CREBBP: variants seen among roughly 807,000 people sequenced by gnomAD.
The protein encoded by CREBBP is CREB binding lysine acetyltransferase.
In CREBBP, 19 loss-of-function variants were observed where a neutral mutation model predicts 265.0. That is an observed-to-expected ratio of 0.07 (90% CI 0.05 to 0.11). CREBBP has a LOEUF of 0.11. CREBBP is among the 10% of genes least tolerant of loss of function. The pLI is 1.00. For missense variants in CREBBP, 2,525 were observed against 3,219.0 expected (o/e 0.78, Z 5.22); for synonymous variants, 1,457 against 1,223.7 (o/e 1.19, Z -3.98).
At chr16:3,832,677 T>G (rs181728303) in intron 2 of CREBBP, among the ~76,000 whole-genome samples, 2 of 152,310 alleles carry the variant, frequency 1.3e-5, no homozygotes, top group East Asian at 3.9e-4. Context: ...AGTAAAAATA[T>G]ATTATAGTCT....
chr16:3,848,998 G>A (rs1421898166), intron 2 of CREBBP, among the ~76,000 whole-genome samples: 1 of 152,022 alleles, frequency 6.6e-6, no homozygotes, highest in Non-Finnish European at 1.5e-5. Flanking sequence ...GTCACCCAAC[G>A]CTCTCATCAA....
chr16:3,878,348 G>A (rs1047426119), intron 1 of CREBBP, among the ~76,000 whole-genome samples: 1 of 152,120 alleles, frequency 6.6e-6, no homozygotes, highest in Admixed American at 6.6e-5. Context: ...TAAGATTAAC[G>A]TCAAACTCAA....
In CREBBP at chr16:3,773,754, T is replaced by C. The variant is rs1249305241; in HGVS notation, c.2460A>G (p.Ser820=). 6.2e-7 allele frequency: 1 copy of C among 1,613,994 alleles called. No individual in the cohort carries two copies. The highest frequency in any genetic ancestry group is 8.5e-7 in the Non-Finnish European group (1 of 1,180,014). Reference sequence around the variant, plus strand: ...CGGTCCCAGTGGGGCACAGTACCTGTGACACGCCTGTTTGGGCTGGCGGCT... The same window carrying C: ...CGGTCCCAGTGGGGCACAGTACCTGCGACACGCCTGTTTGGGCTGGCGGCT... ...MGQPPAQTGV[S]QGQVPGAALP... is the part of the protein sequence containing the mutation. The change falls in exon 13 of 31, where the codon TCA becomes TCG. Residue 820 remains serine (S), a synonymous_variant. Transcript: ENST00000262367.
intron 8 of CREBBP, 60 bp from the exon 9 acceptor site, chr16:3,778,877 G>A (rs1381558697): frequency 3.3e-6 from 5 of 1,500,034 alleles, no homozygotes; most frequent in African/African-American, 1.4e-5. Context: ...TTAAAGACAT[G>A]GGGTTTCGTC....
At chr16:3,768,638 T>C (rs1163005867) in intron 15 of CREBBP, among the ~76,000 whole-genome samples, 1 of 152,202 alleles carries the variant, frequency 6.6e-6, no homozygotes, top group African/African-American at 2.4e-5. Flanking sequence ...GAGAGCCCAC[T>C]ACAGTTGGTG....
chr16:3,839,605 C>T (rs2054524387), intron 2 of CREBBP, among the ~76,000 whole-genome samples: 1 of 151,178 alleles, frequency 6.6e-6, no homozygotes, highest in South Asian at 2.1e-4. Flanking sequence ...TTGCTGGAAC[C>T]CAAGAGGCAG....
At chr16:3,746,741 T>C (rs2052351890) in intron 21 of CREBBP, among the ~76,000 whole-genome samples, 1 of 152,080 alleles carries the variant, frequency 6.6e-6, no homozygotes, top group African/African-American at 2.4e-5. Context: ...TACTGGGAGT[T>C]TGAGACCAGC....
In CREBBP at chr16:3,731,606, G is replaced by A. The variant is rs897725808; in HGVS notation, c.4891-133C>T. The A allele has an allele frequency of 5.6e-6, 8 of 1,417,880 alleles. No individual in the cohort carries two copies. The highest frequency in any genetic ancestry group is 1.4e-5 in the African/African-American group (1 of 71,018). 87.8% of individuals were successfully genotyped at this position (1,417,880 alleles called of 1,614,324 possible). ...CCTGATGGCCCTGATGCCTTGGGAT[G>A]GAACAAAATTGGTGACACGTTGCAT... On this transcript the variant is annotated intron_variant, in intron 29 of 30. Transcript: ENST00000262367. This position sits in a 1 kb window ranked among gnomAD's most constrained non-coding sequence, Gnocchi z 7.7.
At position 3,781,249 on chromosome 16, in the gene CREBBP, T is replaced by G. The variant is rs2141247649; in HGVS notation, c.1631A>C (p.Asn544Thr). The change falls in exon 7 of 31, where the codon AAC becomes ACC. Residue 544 changes from asparagine (N) to threonine (T), a missense_variant. Asn to Thr is a moderately conservative substitution (Grantham distance 65, BLOSUM62 0). Around this residue, in one of 19 missense-constraint regions of CREBBP, gnomAD observed 144 missense variants for 134.0 expected, o/e 1.07. Transcript: ENST00000262367. ...CGGAAGAGCTGATTCTGAAATCAAGTTTGGGGGCTGCTGATCTGTTGTTAT... is the reference window on the plus strand; with the variant it reads ...CGGAAGAGCTGATTCTGAAATCAAGGTTGGGGGCTGCTGATCTGTTGTTAT... ...GGITTDQQPP[N>T]LISESALPTS... 1 of 1,614,050 alleles carries G rather than the reference T, an allele frequency of 6.2e-7. No homozygotes were observed. The highest frequency in any genetic ancestry group is 8.5e-7 in the Non-Finnish European group (1 of 1,179,954).
Position 3,777,464 on chromosome 16 carries a change from C to T in CREBBP, c.2158+149G>A, listed in dbSNP as rs2053170679. On this transcript the variant is annotated intron_variant, in intron 11 of 30. Transcript: ENST00000262367. ...TCATACTATAAACATATCCATACTA[C>T]CTGTAGAACTGAATTCTGCTTATCA... The T allele has an allele frequency of 3.7e-6, 3 of 810,182 alleles. No individual in the cohort carries two copies. The East Asian group carries it at 7.6e-5, about 21-fold the overall frequency. The allele number at this position is 810,182 out of a possible 1,614,324, so 50.2% of individuals were successfully genotyped here. A position where few individuals can be genotyped will look rare whatever the true frequency, so the allele number is the denominator to read the frequency against.
chr16:3,740,771 G>A (rs1291106474), intron 23 of CREBBP: 10 of 616,712 alleles, frequency 1.6e-5, no homozygotes, highest in African/African-American at 5.5e-5. Context: ...AACCGTTTAC[G>A]TGCCCAGGTA....
intron 24 of CREBBP, 109 bp from the exon 25 acceptor site, chr16:3,739,833 T>C: frequency 3.4e-6 from 5 of 1,489,072 alleles, no homozygotes; most frequent in Admixed American, 1.7e-5. Flanking sequence ...AGCGGAGGCA[T>C]GGCCACCTCC....
At chr16:3,783,306 C>A (rs2053316071) in intron 5 of CREBBP, among the ~76,000 whole-genome samples, 1 of 152,214 alleles carries the variant, frequency 6.6e-6, no homozygotes, top group African/African-American at 2.4e-5. Flanking sequence ...CCAGCAGACA[C>A]CTCTGAGATG....
At chr16:3,745,460 G>A in intron 21 of CREBBP, 106 bp from the exon 22 acceptor site, 2 of 946,768 alleles carry the variant, frequency 2.1e-6, no homozygotes, top group African/African-American at 1.7e-5. Context: ...GGGTTACTTT[G>A]AGTAGTGCTG....
At position 3,767,935 on chromosome 16, in the gene CREBBP, T is replaced by C. The variant is rs565400907; in HGVS notation, c.3061-26A>G. 4.0e-5 allele frequency: 65 copies of C among 1,609,906 alleles called. 1 individual carries two copies. Among genetic ancestry groups the C allele is most frequent in the African/African-American group, 5.3e-5 (4 of 74,804 alleles). Reference sequence around the variant, plus strand: ...CTTGAGAAAAACATTACAGATAACATATGAATATCAAACACCTTTATGTTA... The same window carrying C: ...CTTGAGAAAAACATTACAGATAACACATGAATATCAAACACCTTTATGTTA... On this transcript the variant is annotated intron_variant, in intron 15 of 30. Coordinates refer to ENST00000262367, the MANE Select transcript of CREBBP (RefSeq NM_004380.3).
chr16:3,789,512 C>A (rs75151516), intron 5 of CREBBP, among the ~76,000 whole-genome samples: 2 of 152,174 alleles, frequency 1.3e-5, no homozygotes, highest in African/African-American at 4.8e-5. Context: ...AGGGAGGTCA[C>A]CCTTACGTTA....
At chr16:3,785,291 G>A (rs1010257742) in intron 5 of CREBBP, among the ~76,000 whole-genome samples, 4 of 152,186 alleles carry the variant, frequency 2.6e-5, no homozygotes, top group African/African-American at 9.7e-5. Flanking sequence ...CTGACCCTTC[G>A]TGTATTCACT....
chr16:3,823,014 G>A (rs975750178), intron 2 of CREBBP, among the ~76,000 whole-genome samples: 1 of 152,062 alleles, frequency 6.6e-6, no homozygotes, highest in South Asian at 2.1e-4. Context: ...CAGAGAAAAC[G>A]TTCCTTCTAA....
intron 26 of CREBBP, among the ~76,000 whole-genome samples, chr16:3,737,600 C>T (rs887619404): frequency 7.9e-4 from 119 of 151,570 alleles, no homozygotes; most frequent in African/African-American, 2.6e-3. Flanking sequence ...GCTGGGATTA[C>T]GCTAGGCACC....
Sources: gnomAD v4.1 joint callset for allele counts (sites outside exome capture counted in the v4.1 genomes callset) on GRCh38, gnomAD v4.1.1 for gene constraint, gnomAD v4.1.1 regional missense constraint, Gnocchi (gnomAD v3.1) non-coding constraint, MANE v1.5 for transcripts, NCBI Gene and HGNC (gene_info 2026-07-23, HGNC 2026-07-21) for gene names.